The following ANAPC1 variants were observed in gnomAD, a reference collection of about 807,000 sequenced individuals.
ANAPC1 encodes anaphase promoting complex subunit 1.
ANAPC1 carries 36 observed loss-of-function variants against 208.0 expected under a neutral mutation model. The ratio of observed to expected loss-of-function variants is 0.17; its 90% confidence interval spans 0.13 to 0.23. ANAPC1 has a LOEUF of 0.23. Among genes scored for constraint, ANAPC1 ranks in the 10% least tolerant of loss-of-function variants. The pLI, the probability that ANAPC1 is intolerant of heterozygous loss-of-function variation, is 1.00. For missense variants in ANAPC1, 942 were observed against 2,011.6 expected (o/e 0.47, Z 10.17); for synonymous variants, 378 against 695.2 (o/e 0.54, Z 7.18).
Position 111,822,470 on chromosome 2 carries a change from C to A in ANAPC1, c.2943G>T (p.Gln981His). The A allele has an allele frequency of 1.1e-6, 1 of 873,878 alleles. No individual in the cohort carries two copies. The highest frequency in any genetic ancestry group is 1.6e-5 in the South Asian group (1 of 61,870). The allele number at this position is 873,878 out of a possible 1,614,324, so 54.1% of individuals were successfully genotyped here. ...CTTCGCAGGCCTGCTTGGAAAGATC[C>A]TGACGTCCAATCAAGAGACAGACAG... is the stretch of plus-strand genomic sequence containing the variant. ...PEAVCLLIGR[Q>H]DLSKQACEGN... Residue 981 changes from glutamine (Q) to histidine (H), a missense_variant, in exon 25 of 48, where the codon CAG (glutamine) becomes CAT (histidine). By Grantham distance (24) the Gln-to-His change is conservative. Coordinates refer to ENST00000341068, the MANE Select transcript of ANAPC1 (RefSeq NM_022662.4).
rs761620293 is a variant in ANAPC1 at position 111,831,410 on chromosome 2, G to T, written c.2501C>A (p.Pro834Gln). The part of the protein sequence containing the change: ...DPGQTGFMHH[P>Q]SFFTSEPPSI... ...TGGTGGCTCAGACGTAAAAAATGATGGATGATGCATAAATCCTGTTTGACC... is the reference window on the plus strand; with the variant it reads ...TGGTGGCTCAGACGTAAAAAATGATTGATGATGCATAAATCCTGTTTGACC... The change falls in exon 21 of 48, where the codon CCA becomes CAA. Residue 834 changes from proline (P) to glutamine (Q), a missense_variant. Transcript: ENST00000341068. 2.6e-5 allele frequency: 42 copies of T among 1,608,120 alleles called. No homozygotes were observed. In the African/African-American group the frequency reaches 4.8e-4, roughly 18 times the overall value.
At chr2:111,870,419 A>T (rs1682683313) in intron 6 of ANAPC1, among the ~76,000 whole-genome samples, 2 of 152,196 alleles carry the variant, frequency 1.3e-5, no homozygotes, top group African/African-American at 4.8e-5. Context: ...TTCCTTAAAG[A>T]GTAAGGTGAG....
rs543791390 is a variant in ANAPC1 at position 111,769,929 on chromosome 2, G to T, written c.5720-523C>A. Among the ~76,000 whole-genome samples the T allele has an allele frequency of 3.9e-3, 589 of 151,738 alleles. 1 individual carries two copies. Among genetic ancestry groups the T allele is most frequent in the Admixed American group, 6.4e-3 (97 of 15,268 alleles). The stretch of plus-strand genomic sequence containing the variant: ...GATCTCCTGACCTCGTGATCCGCCC[G>T]CCTCGGCCTCCCAAAGTGCTGGGAT... On this transcript the variant is annotated intron_variant, in intron 47 of 47. Transcript: ENST00000341068.
intron 42 of ANAPC1, among the ~76,000 whole-genome samples, chr2:111,782,800 C>T (rs1398891718): frequency 2.0e-5 from 3 of 152,160 alleles, no homozygotes. Context: ...TCTTTGTATT[C>T]CCTATATCCC....
intron 20 of ANAPC1, among the ~76,000 whole-genome samples, chr2:111,831,713 C>T (rs1317367660): frequency 2.7e-5 from 4 of 150,576 alleles, no homozygotes; most frequent in Admixed American, 2.0e-4. Flanking sequence ...TAGTGGTGCG[C>T]ACCCGTAGTC....
chr2:111,833,031 C>T (rs1418946176), intron 20 of ANAPC1, among the ~76,000 whole-genome samples, 189 bp downstream of exon 20: 2 of 149,630 alleles, frequency 1.3e-5, no homozygotes, highest in African/African-American at 4.9e-5. Flanking sequence ...TTTCCCTATA[C>T]ACTGAAGATA....
At chr2:111,880,075 T>C (rs1291009604) in intron 2 of ANAPC1, among the ~76,000 whole-genome samples, 1 of 151,934 alleles carries the variant, frequency 6.6e-6, no homozygotes, top group Non-Finnish European at 1.5e-5. Context: ...CTGACTCACA[T>C]TATAACACCA....
intron 21 of ANAPC1, among the ~76,000 whole-genome samples, chr2:111,826,604 T>C (rs1474726054): frequency 6.6e-6 from 1 of 152,162 alleles, no homozygotes; most frequent in African/African-American, 2.4e-5. Flanking sequence ...ACTCAAAAAC[T>C]GATGAACATT....
chr2:111,829,490 G>T (rs1045699939), intron 21 of ANAPC1, among the ~76,000 whole-genome samples: 4 of 152,000 alleles, frequency 2.6e-5, no homozygotes, highest in African/African-American at 4.8e-5. Flanking sequence ...ACCCCACCTG[G>T]AAAGGCCCAC....
chr2:111,866,899 T>C (rs1303719310), intron 7 of ANAPC1, among the ~76,000 whole-genome samples: 1 of 152,160 alleles, frequency 6.6e-6, no homozygotes, highest in Non-Finnish European at 1.5e-5. Context: ...ATTTGAACTT[T>C]TTCTGTAAAA....
At chr2:111,851,767 G>A (rs939114060) in intron 13 of ANAPC1, among the ~76,000 whole-genome samples, 4 of 150,544 alleles carry the variant, frequency 2.7e-5, no homozygotes, top group East Asian at 2.0e-4. Context: ...CCGAGATCGC[G>A]CCACTGCACT....
chr2:111,770,406 T>C (rs1676674939), intron 47 of ANAPC1, among the ~76,000 whole-genome samples: 1 of 143,040 alleles, frequency 7.0e-6, no homozygotes, highest in South Asian at 2.1e-4. Flanking sequence ...TGACTATTAA[T>C]GTGACTAGGT....
chr2:111,831,229 T>C (rs1031115717), intron 21 of ANAPC1, 57 bp downstream of exon 21: 1 of 1,540,274 alleles, frequency 6.5e-7, no homozygotes, highest in African/African-American at 1.4e-5. Context: ...AGGTGTACTT[T>C]TTAAAACTAA....
intron 21 of ANAPC1, among the ~76,000 whole-genome samples, chr2:111,828,249 T>C (rs1679942595): frequency 6.6e-6 from 1 of 152,180 alleles, no homozygotes; most frequent in South Asian, 2.1e-4. Context: ...CTAGGATGGC[T>C]ATAATTTTTA....
At chr2:111,778,474 G>A (rs569015781) in intron 45 of ANAPC1, among the ~76,000 whole-genome samples, 6 of 146,092 alleles carry the variant, frequency 4.1e-5, no homozygotes, top group African/African-American at 1.3e-4. Context: ...GCCCCCCAAG[G>A]GGCACTCCTG....
intron 29 of ANAPC1, among the ~76,000 whole-genome samples, chr2:111,806,228 TA>T (rs1678669408): frequency 1.0e-5 from 1 of 97,806 alleles, no homozygotes; most frequent in Non-Finnish European, 2.0e-5. Context: ...AAAAAAGTTT[TA>T]TTTTTTTGTT....
In ANAPC1 at chr2:111,864,880, G is replaced by C. The variant is rs1553434902; in HGVS notation, c.757C>G (p.Pro253Ala). 1 of 1,611,482 alleles carries C rather than the reference G, an allele frequency of 6.2e-7. No homozygotes were observed. The highest frequency in any genetic ancestry group is 8.5e-7 in the Non-Finnish European group (1 of 1,179,738). The part of the protein sequence containing the change: ...AMKIVFLNTD[P>A]SIVMTYDAVQ... Reference sequence around the variant, plus strand: ...GCATCATAAGTCATTACAATAGAGGGGTCAGTATTGAGGAAAACAATTTTC... The same window carrying C: ...GCATCATAAGTCATTACAATAGAGGCGTCAGTATTGAGGAAAACAATTTTC... Residue 253 changes from proline to alanine, a missense_variant, in exon 8 of 48, where the codon CCC becomes GCC. By Grantham distance (27) the Pro-to-Ala change is conservative. Coordinates refer to ENST00000341068, the MANE Select transcript of ANAPC1 (RefSeq NM_022662.4).
intron 37 of ANAPC1, among the ~76,000 whole-genome samples, chr2:111,792,940 G>A (rs914627744): frequency 6.6e-6 from 1 of 151,976 alleles, no homozygotes; most frequent in African/African-American, 2.4e-5. Flanking sequence ...GAGACAGAGC[G>A]AGACGCTGTC....
At position 111,794,982 on chromosome 2, in the gene ANAPC1, T is replaced by C. The variant is rs575390476; in HGVS notation, c.4297-88A>G. The C allele has an allele frequency of 1.5e-5, 19 of 1,292,612 alleles. No individual in the cohort carries two copies. The South Asian group carries it at 2.0e-4, about 13-fold the overall frequency. 80.1% of individuals were successfully genotyped at this position (1,292,612 alleles called of 1,614,324 possible). Reference sequence around the variant, plus strand: ...CTGAAGAATAACATACTGCTTATCATGGCTATATTTATATAAAGTAAGCTT... The same window carrying C: ...CTGAAGAATAACATACTGCTTATCACGGCTATATTTATATAAAGTAAGCTT... On this transcript the variant is annotated intron_variant, in intron 34 of 47. Coordinates refer to ENST00000341068, the MANE Select transcript of ANAPC1 (RefSeq NM_022662.4).
Sources: allele counts gnomAD v4.1 joint callset (sites outside exome capture counted in the v4.1 genomes callset), GRCh38; gene constraint gnomAD v4.1.1; transcripts MANE v1.5; gene names NCBI Gene and HGNC (gene_info 2026-07-23, HGNC 2026-07-21).